EGF: variants seen among roughly 807,000 people sequenced by gnomAD.
EGF encodes the protein epidermal growth factor.
In EGF, 95 loss-of-function variants were observed where a neutral mutation model predicts 143.8. The observed-to-expected ratio is 0.66, with a 90% CI of 0.56 to 0.78. The LOEUF (loss-of-function observed/expected upper bound fraction) is 0.78. Ranked by LOEUF, EGF falls within the 30% of genes least tolerant of loss-of-function variation. The probability of loss-of-function intolerance (pLI) is 0.00; values close to 1 mark genes in which losing one functional copy is unlikely to be tolerated. For synonymous variants in EGF, 510 were observed against 510.5 expected, an observed-to-expected ratio of 1.00 and a Z score of 0.01; for missense variants, 1,320 against 1,470.9, an observed-to-expected ratio of 0.90 and a Z score of 1.68.
intron 10 of EGF, chr4:109,968,724 C>A: frequency 2.1e-6 from 1 of 478,812 alleles, no homozygotes; most frequent in Non-Finnish European, 3.8e-6. Flanking sequence ...ACCTACCTAC[C>A]TACCTAATAA....
At chr4:110,001,540 T>A in intron 21 of EGF, 2 of 900,824 alleles carry the variant, frequency 2.2e-6, no homozygotes, top group South Asian at 1.0e-4. Context: ...GAAAAAAAAA[T>A]GGAAACTAGA....
In EGF at chr4:109,997,784, G is replaced by T. The variant is rs1328027801; in HGVS notation, c.3006-1895G>T. On this transcript the variant is annotated intron_variant, in intron 20 of 23. Coordinates refer to ENST00000265171, the MANE Select transcript of EGF (RefSeq NM_001963.6). ...AGGCTGAGGTGGGAGAATCGCTTGA[G>T]CCCAGGAAGCTGAGATTGCAATGAG... is the stretch of plus-strand genomic sequence containing the variant. Among the ~76,000 whole-genome samples, 5 of 152,064 alleles carry T rather than the reference G, an allele frequency of 3.3e-5. No homozygotes were observed. In the South Asian group the frequency reaches 8.3e-4, roughly 25 times the overall value.
At chr4:109,988,464 A>C (rs1214532142) in intron 17 of EGF, 120 bp from the exon 18 acceptor site, 3 of 1,474,002 alleles carry the variant, frequency 2.0e-6, no homozygotes, top group Non-Finnish European at 2.8e-6. Context: ...TGATGTTGGC[A>C]ACAGCACCTG....
chr4:109,949,549 ATTTTTCTGTTT>A (rs529163769), intron 5 of EGF, among the ~76,000 whole-genome samples: 2 of 150,088 alleles, frequency 1.3e-5, no homozygotes, highest in Non-Finnish European at 3.0e-5. Flanking sequence ...AACCCATGTC[ATTTTTCTGTTT>A]TATTTCCTAT....
At chr4:109,913,589 T>C in intron 1 of EGF, 127 bp downstream of exon 1, 2 of 1,404,090 alleles carry the variant, frequency 1.4e-6, no homozygotes, top group Non-Finnish European at 2.0e-6. Context: ...TGCTTAATTT[T>C]TGTTTTCTGA....
intron 9 of EGF, among the ~76,000 whole-genome samples, chr4:109,963,628 G>A: frequency 6.6e-6 from 1 of 152,052 alleles, no homozygotes; most frequent in East Asian, 1.9e-4. Context: ...TGATTGATTT[G>A]ATTTTTATCT....
chr4:109,934,544 G>T (rs1740408276), intron 1 of EGF, among the ~76,000 whole-genome samples: 1 of 152,120 alleles, frequency 6.6e-6, no homozygotes, highest in Admixed American at 6.5e-5. Flanking sequence ...TTCTTTTGCT[G>T]TGCAGAAGCT....
At chr4:109,934,506 T>C (rs1740401511) in intron 1 of EGF, among the ~76,000 whole-genome samples, 1 of 152,218 alleles carries the variant, frequency 6.6e-6, no homozygotes, top group Non-Finnish European at 1.5e-5. Context: ...TCCCATTCTG[T>C]AGGTTGCCCG....
intron 1 of EGF, among the ~76,000 whole-genome samples, chr4:109,939,873 C>A (rs1288276755): frequency 6.6e-6 from 1 of 152,134 alleles, no homozygotes; most frequent in Non-Finnish European, 1.5e-5. Flanking sequence ...AGCACAGAAG[C>A]AAGAATATGT....
intron 8 of EGF, among the ~76,000 whole-genome samples, chr4:109,962,218 T>C (rs1745820352): frequency 6.6e-6 from 1 of 152,254 alleles, no homozygotes; most frequent in South Asian, 2.1e-4. Context: ...GCTTTGAGGC[T>C]TGACAGCCCT....
intron 1 of EGF, among the ~76,000 whole-genome samples, chr4:109,925,228 A>T (rs746700462): frequency 6.6e-6 from 1 of 152,216 alleles, no homozygotes. Flanking sequence ...CATGACAACA[A>T]ATTAAAATGT....
chr4:109,959,568 C>T, intron 6 of EGF, 131 bp downstream of exon 6: 1 of 1,386,808 alleles, frequency 7.2e-7, no homozygotes. Flanking sequence ...CAAGTCCATT[C>T]TCCCCGTCCC....
At position 109,980,851 on chromosome 4, in the gene EGF, C is replaced by A. The variant is rs778357456; in HGVS notation, c.2247C>A (p.Asn749Lys). 6.2e-7 allele frequency: 1 copy of A among 1,614,042 alleles called. No individual in the cohort carries two copies. The highest frequency in any genetic ancestry group is 1.7e-5 in the Admixed American group (1 of 59,998). ...KPGADPCLYQ[N>K]GGCEHICKKR... ...GAGCAGATCCCTGCTTATATCAAAA[C>A]GGAGGCTGTGAACATATTTGCAAAA... The change falls in exon 15 of 24, where the codon AAC becomes AAA. Residue 749 changes from asparagine to lysine, a missense_variant. Around this residue, in one of 5 missense-constraint regions of EGF, gnomAD observed 1,186 missense variants for 1,313.7 expected, o/e 0.90. Coordinates refer to ENST00000265171, the MANE Select transcript of EGF (RefSeq NM_001963.6).
chr4:109,917,853 C>T (rs1299492653), intron 1 of EGF, among the ~76,000 whole-genome samples: 1 of 152,120 alleles, frequency 6.6e-6, no homozygotes, highest in Non-Finnish European at 1.5e-5. Context: ...CTCCTGACCT[C>T]AAGTGATCAG....
chr4:109,987,394 C>T (rs530222003), intron 16 of EGF, among the ~76,000 whole-genome samples: 11 of 152,052 alleles, frequency 7.2e-5, no homozygotes, highest in African/African-American at 2.7e-4. Context: ...GCATCAACCT[C>T]CTGATTCTCC....
intron 11 of EGF, among the ~76,000 whole-genome samples, chr4:109,970,524 ATC>A (rs1192211780): frequency 6.6e-6 from 1 of 152,120 alleles, no homozygotes; most frequent in Non-Finnish European, 1.5e-5. Context: ...TCCTAGAAAT[ATC>A]TCTTTTTATC....
At position 109,944,018 on chromosome 4, in the gene EGF, G is replaced by T. The variant is rs1251037371; in HGVS notation, c.686G>T (p.Cys229Phe). Reference protein sequence around the residue: ...YNREGSNSLICSCDYDGGSVH... With the variant: ...YNREGSNSLIFSCDYDGGSVH... Reference sequence around the variant, plus strand: ...AGAGAAGGAAGCAATTCTCTTATTTGCTCCTGTGATTATGATGGAGGTTCT... The same window carrying T: ...AGAGAAGGAAGCAATTCTCTTATTTTCTCCTGTGATTATGATGGAGGTTCT... The change falls in exon 4 of 24, where the codon TGC becomes TTC. Residue 229 changes from cysteine (C) to phenylalanine (F), a missense_variant. Transcript: ENST00000265171. 3 of 1,614,036 alleles carry T rather than the reference G, an allele frequency of 1.9e-6. No homozygotes were observed. Among genetic ancestry groups the T allele is most frequent in the Admixed American group, 3.3e-5 (2 of 60,012 alleles).
chr4:109,913,540 T>C, intron 1 of EGF, 78 bp downstream of exon 1: 1 of 1,573,776 alleles, frequency 6.4e-7, no homozygotes, highest in Non-Finnish European at 8.6e-7. Flanking sequence ...TCTGGTATAC[T>C]TGGGCATTTA....
intron 1 of EGF, among the ~76,000 whole-genome samples, chr4:109,928,621 A>C (rs967240898): frequency 1.2e-4 from 18 of 152,202 alleles, no homozygotes; most frequent in Non-Finnish European, 2.5e-4. Flanking sequence ...AACGAGAGAC[A>C]GCTTTGCAGG....
Sources: allele counts gnomAD v4.1 joint callset (sites outside exome capture counted in the v4.1 genomes callset), GRCh38; gene constraint gnomAD v4.1.1; regional missense constraint gnomAD v4.1.1; transcripts MANE v1.5; gene names NCBI Gene and HGNC (gene_info 2026-07-23, HGNC 2026-07-21).